TSPAN15: variants seen among roughly 807,000 people sequenced by gnomAD.
TSPAN15 encodes the protein tetraspanin 15.
In TSPAN15, 20 loss-of-function variants were observed where a neutral mutation model predicts 34.5. The ratio of observed to expected loss-of-function variants is 0.58; its 90% confidence interval spans 0.41 to 0.84. The LOEUF is 0.84. Ranked by LOEUF, TSPAN15 falls within the 40% of genes least tolerant of loss-of-function variation. The probability of loss-of-function intolerance (pLI) is 0.00; values close to 1 mark genes in which losing one functional copy is unlikely to be tolerated. For synonymous variants in TSPAN15, 155 were observed against 153.9 expected (o/e 1.01, Z -0.05); for missense variants, 313 against 386.1 (o/e 0.81, Z 1.59).
chr10:69,453,140 ATGT>A (rs1013662592), intron 1 of TSPAN15, among the ~76,000 whole-genome samples: 10 of 149,318 alleles, frequency 6.7e-5, no homozygotes, highest in Non-Finnish European at 6.0e-5. Flanking sequence ...GATGAACAGT[ATGT>A]TTGGGGGGCG....
chr10:69,520,025 C>G, the TSPAN15 span, among the ~76,000 whole-genome samples: 51,066 of 152,144 alleles, frequency 0.34, 9,141 homozygotes, highest in African/African-American at 0.46. Context: ...AGCCACTGTG[C>G]CCAGCCCCAT....
the TSPAN15 span, among the ~76,000 whole-genome samples, chr10:69,546,510 A>G: frequency 6.6e-6 from 1 of 152,192 alleles, no homozygotes; most frequent in Non-Finnish European, 1.5e-5. Flanking sequence ...AACTGAACTC[A>G]TGCTTCCTCC....
chr10:69,466,510 A>G lies in TSPAN15; in HGVS notation c.96+14820A>G, dbSNP rs540516969. Among the ~76,000 whole-genome samples, 3 of 152,288 alleles carry G rather than the reference A, an allele frequency of 2.0e-5. No homozygotes were observed. In the South Asian group the frequency reaches 6.2e-4, roughly 32 times the overall value. On this transcript the variant is annotated intron_variant, in intron 1 of 7. Coordinates refer to ENST00000373290, the MANE Select transcript of TSPAN15 (RefSeq NM_012339.5). The stretch of plus-strand genomic sequence containing the variant: ...AAATAATTAGTACCTCAAACTTGTG[A>G]TTGTGTAGATCTTGATTAGTTTAGG...
At chr10:69,487,283 G>T (rs1448882894) in intron 3 of TSPAN15, among the ~76,000 whole-genome samples, 1 of 152,156 alleles carries the variant, frequency 6.6e-6, no homozygotes, top group African/African-American at 2.4e-5. Flanking sequence ...ATGGAGTCAT[G>T]GAGGCACACA....
At chr10:69,456,306 C>T (rs1019450185) in intron 1 of TSPAN15, among the ~76,000 whole-genome samples, 5 of 152,216 alleles carry the variant, frequency 3.3e-5, no homozygotes, top group African/African-American at 4.8e-5. Flanking sequence ...CAGACTGTCT[C>T]GACCTCCTGA....
chr10:69,478,131 AGCAGTGTGCAGAGCAGGTG>A (rs1249590138), intron 1 of TSPAN15, among the ~76,000 whole-genome samples: 101 of 135,514 alleles, frequency 7.5e-4, no homozygotes, highest in Non-Finnish European at 1.1e-3. Flanking sequence ...AAGCTGGGGC[AGCAGTGTGCAGAGCAGGTG>A]GCAGTGTGCA....
At chr10:69,462,898 A>G (rs1368223911) in intron 1 of TSPAN15, among the ~76,000 whole-genome samples, 2 of 152,154 alleles carry the variant, frequency 1.3e-5, no homozygotes, top group East Asian at 3.8e-4. Context: ...GGGGTTTGGG[A>G]GAAGTGCAGG....
At chr10:69,538,308 C>T in the TSPAN15 span, among the ~76,000 whole-genome samples, 6 of 152,208 alleles carry the variant, frequency 3.9e-5, no homozygotes, top group Non-Finnish European at 8.8e-5. Flanking sequence ...AGGTGATGAC[C>T]CTGTCTGAGA....
At chr10:69,453,367 C>A (rs1189339323) in intron 1 of TSPAN15, among the ~76,000 whole-genome samples, 1 of 152,166 alleles carries the variant, frequency 6.6e-6, no homozygotes, top group Non-Finnish European at 1.5e-5. Context: ...TTGAAAACTG[C>A]TGCCCTAGAT....
chr10:69,539,492 A>AGAT, the TSPAN15 span, among the ~76,000 whole-genome samples: 3 of 63,742 alleles, frequency 4.7e-5, no homozygotes, highest in Non-Finnish European at 6.5e-5. Context: ...GAGAAGAAGA[A>AGAT]GAAGAAGAAG....
At chr10:69,494,608 G>C (rs547232560) in intron 3 of TSPAN15, 1 of 980,806 alleles carries the variant, frequency 1.0e-6, no homozygotes, top group East Asian at 1.1e-4. Flanking sequence ...TAGGCCTACG[G>C]GTTTGGTTCA....
rs1490324323 is a variant in TSPAN15 at position 69,505,868 on chromosome 10, C to T, written c.619-256C>T. On this transcript the variant is annotated intron_variant, in intron 6 of 7. Coordinates refer to ENST00000373290, the MANE Select transcript of TSPAN15 (RefSeq NM_012339.5). ...TTGTGGAGTAGGATTACCCTGAGCT[C>T]TGCAGTCCCTCAGCCGCCAACCTCG... is the stretch of plus-strand genomic sequence containing the variant. The T allele has an allele frequency of 7.5e-6, 3 of 397,560 alleles. No homozygotes were observed. In the Admixed American group the frequency reaches 1.2e-4, roughly 15 times the overall value. The allele number at this position is 397,560 out of a possible 1,614,324, so 24.6% of individuals were successfully genotyped here.
chr10:69,547,250 C>T, the TSPAN15 span, among the ~76,000 whole-genome samples: 1 of 152,082 alleles, frequency 6.6e-6, no homozygotes, highest in East Asian at 1.9e-4. Context: ...CTATCACTTG[C>T]TCTTCATCTT....
chr10:69,455,592 CTTTCTTTCTTT>C (rs1841078667), intron 1 of TSPAN15, among the ~76,000 whole-genome samples: 12 of 121,066 alleles, frequency 9.9e-5, no homozygotes, highest in African/African-American at 3.3e-4. Context: ...CTTTCTTTCT[CTTTCTTTCTTT>C]CTTTCTCTCT....
intron 5 of TSPAN15, among the ~76,000 whole-genome samples, chr10:69,503,607 G>C (rs1336667185): frequency 1.3e-5 from 2 of 152,136 alleles, no homozygotes; most frequent in South Asian, 4.1e-4. Flanking sequence ...CAGAGGGCAC[G>C]CTGGGGGCTC....
chr10:69,465,535 C>T (rs1293752975), intron 1 of TSPAN15, among the ~76,000 whole-genome samples: 1 of 152,314 alleles, frequency 6.6e-6, no homozygotes, highest in South Asian at 2.1e-4. Flanking sequence ...ACGAGCCCTT[C>T]TTGTGTGCCA....
chr10:69,506,186 C>G lies in TSPAN15; in HGVS notation c.681C>G (p.Phe227Leu). Residue 227 changes from phenylalanine to leucine, a missense_variant, in exon 7 of 8, where the codon TTC (phenylalanine) becomes TTG (leucine). Phe to Leu is a conservative substitution (Grantham distance 22). Coordinates refer to ENST00000373290, the MANE Select transcript of TSPAN15 (RefSeq NM_012339.5). The surrounding 1 kb of genome is among the most constrained non-coding windows in gnomAD (Gnocchi z 4.7). ...GCACCAACGCCGTGATCATCTGGTT[C>G]ATGGACAACTACACCATCATGGCGG... ...RGCTNAVIIW[F>L]MDNYTIMAGI... is the part of the protein sequence containing the mutation. 1 of 1,614,242 alleles carries G rather than the reference C, an allele frequency of 6.2e-7. No homozygotes were observed. Among genetic ancestry groups the G allele is most frequent in the African/African-American group, 1.3e-5 (1 of 75,068 alleles).
intron 6 of TSPAN15, among the ~76,000 whole-genome samples, chr10:69,505,740 G>A (rs1222239594): frequency 6.6e-6 from 1 of 152,080 alleles, no homozygotes; most frequent in African/African-American, 2.4e-5. Context: ...CTGGAGTGGG[G>A]CTATTGGCTT....
intron 1 of TSPAN15, among the ~76,000 whole-genome samples, chr10:69,468,633 T>C (rs1841439769): frequency 6.6e-6 from 1 of 152,048 alleles, no homozygotes; most frequent in African/African-American, 2.4e-5. Flanking sequence ...GAGCTCTCTC[T>C]AAATACACCA....
Sources: allele counts gnomAD v4.1 joint callset (sites outside exome capture counted in the v4.1 genomes callset), GRCh38; gene constraint gnomAD v4.1.1; non-coding constraint Gnocchi (gnomAD v3.1); transcripts MANE v1.5; gene names NCBI Gene and HGNC (gene_info 2026-07-23, HGNC 2026-07-21).